SLC13A4: variants seen among roughly 807,000 people sequenced by gnomAD.
The protein encoded by SLC13A4 is solute carrier family 13 member 4.
SLC13A4 carries 28 observed loss-of-function variants against 72.7 expected under a neutral mutation model. The ratio of observed to expected loss-of-function variants is 0.39; its 90% CI spans 0.29 to 0.53. The LOEUF is 0.53. Among genes scored for constraint, SLC13A4 ranks in the 20% least tolerant of loss-of-function variants. The pLI is 0.78. For missense variants in SLC13A4, 653 were observed against 788.0 expected, an observed-to-expected ratio of 0.83 and a Z score of 2.05; for synonymous variants, 312 against 325.5, an observed-to-expected ratio of 0.96 and a Z score of 0.45.
At chr7:135,715,402 T>G (rs1309077656) in intron 2 of SLC13A4, among the ~76,000 whole-genome samples, 2 of 133,516 alleles carry the variant, frequency 1.5e-5, no homozygotes, top group African/African-American at 3.0e-5. Context: ...TGAACATGTG[T>G]GTATGAGTGT....
At chr7:135,690,701 CCT>C (rs1313730986) in intron 13 of SLC13A4, among the ~76,000 whole-genome samples, 2 of 149,058 alleles carry the variant, frequency 1.3e-5, no homozygotes, top group Non-Finnish European at 3.0e-5. Flanking sequence ...CCCATCTGTT[CCT>C]CTGTTCCTAG....
At chr7:135,715,047 TGA>T (rs1384923874) in intron 2 of SLC13A4, among the ~76,000 whole-genome samples, 56 of 138,300 alleles carry the variant, frequency 4.0e-4, no homozygotes, top group African/African-American at 1.5e-3. Context: ...TGTGAGGGTA[TGA>T]GTGTGTATGT....
intron 11 of SLC13A4, 180 bp from the exon 12 acceptor site, chr7:135,691,825 C>T (rs575804279): frequency 2.1e-4 from 117 of 547,450 alleles, no homozygotes; most frequent in Admixed American, 5.0e-4. Flanking sequence ...TGGGCAATGG[C>T]GAATGTCTGG....
rs773615165 is a variant in SLC13A4 at position 135,716,412 on chromosome 7, C to A, written c.228+4983G>T. Among the ~76,000 whole-genome samples the A allele has an allele frequency of 2.0e-5, 3 of 152,212 alleles. No individual in the cohort carries two copies. The East Asian group carries it at 5.8e-4, about 29-fold the overall frequency. ...CTCTGCCTCCTGGGTTCAAGAGATT[C>A]TCTTGCCTCATCCTCCTGAGTAGCT... is the stretch of plus-strand genomic sequence containing the variant. On this transcript the variant is annotated intron_variant, in intron 2 of 15. Coordinates refer to ENST00000682651, the MANE Select transcript of SLC13A4 (RefSeq NM_001318192.2).
At chr7:135,693,443 G>A (rs2129494131) in intron 10 of SLC13A4, 1 of 142,678 alleles carries the variant, frequency 7.0e-6, no homozygotes, top group Non-Finnish European at 1.5e-5. Flanking sequence ...GTTAACATGG[G>A]GTGCTAAGAA....
intron 9 of SLC13A4, among the ~76,000 whole-genome samples, chr7:135,694,528 A>G (rs557651405): frequency 1.2e-4 from 19 of 152,286 alleles, no homozygotes; most frequent in Admixed American, 1.0e-3. Flanking sequence ...GTGTGGGGTC[A>G]TTTCTACCTA....
At position 135,695,451 on chromosome 7, in the gene SLC13A4, G is replaced by A. The variant is rs1795879418; in HGVS notation, c.936C>T (p.Thr312=). 1 of 1,614,050 alleles carries A rather than the reference G, an allele frequency of 6.2e-7. No individual in the cohort carries two copies. The highest frequency in any genetic ancestry group is 1.7e-5 in the Admixed American group (1 of 60,000). The change falls in exon 9 of 16, where the codon ACC becomes ACT. Residue 312 remains threonine, a synonymous_variant. Transcript: ENST00000682651. ...YPAAEVVNFG[T]WFLFSFPISL... ...ATATGGGGAAGCTGAAGAGGAACCA[G>A]GTGCCAAAGTTCACCACCTCTGCGG...
chr7:135,692,403 T>A lies in SLC13A4; in HGVS notation c.1143A>T (p.Gly381=), dbSNP rs753786435. ...GTACGGTCATCAGGATGAAGAAAAATCCAGTCACCATTTCTGGGTAGCTAT... is the reference window on the plus strand; with the variant it reads ...GTACGGTCATCAGGATGAAGAAAAAACCAGTCACCATTTCTGGGTAGCTAT... ...GDISYPEMVT[G]FFFILMTVLW... The change falls in exon 11 of 16, where the codon GGA becomes GGT. Residue 381 remains glycine, a synonymous_variant. Coordinates refer to ENST00000682651, the MANE Select transcript of SLC13A4 (RefSeq NM_001318192.2). 3.1e-6 allele frequency: 5 copies of A among 1,612,994 alleles called. No homozygotes were observed. Among genetic ancestry groups the A allele is most frequent in the Non-Finnish European group, 4.2e-6 (5 of 1,179,628 alleles).
Position 135,691,596 on chromosome 7 carries a change from G to A in SLC13A4, c.1273C>T (p.Leu425Phe). ...ATVSVFLGFL[L>F]FLIPAKKPCF... ...GGCTTCTTCGCTGGAATGAGGAAGA[G>A]GAGGAAGCCAAGGAAGACAGAGACT... Residue 425 changes from leucine (L) to phenylalanine (F), a missense_variant, in exon 12 of 16, where the codon CTC becomes TTC. By Grantham distance (22) the Leu-to-Phe change is conservative. Coordinates refer to ENST00000682651, the MANE Select transcript of SLC13A4 (RefSeq NM_001318192.2). The A allele has an allele frequency of 6.2e-7, 1 of 1,614,000 alleles. No homozygotes were observed. Among genetic ancestry groups the A allele is most frequent in the Non-Finnish European group, 8.5e-7 (1 of 1,179,856 alleles).
intron 8 of SLC13A4, among the ~76,000 whole-genome samples, chr7:135,697,797 C>T (rs1185648883): frequency 6.6e-6 from 1 of 152,054 alleles, no homozygotes; most frequent in Non-Finnish European, 1.5e-5. Context: ...ATGTGCTCCG[C>T]TGTCCTGCCT....
At chr7:135,715,066 G>A (rs1200306455) in intron 2 of SLC13A4, among the ~76,000 whole-genome samples, 1 of 135,412 alleles carries the variant, frequency 7.4e-6, no homozygotes, top group Non-Finnish European at 1.6e-5. Flanking sequence ...ATGTGAATGT[G>A]TGTGTGTATG....
chr7:135,683,160 A>G (rs528684352), intron 15 of SLC13A4, among the ~76,000 whole-genome samples: 1 of 151,950 alleles, frequency 6.6e-6, no homozygotes, highest in African/African-American at 2.4e-5. Context: ...TTAGCTGGGC[A>G]TGGAGGCGCA....
intron 2 of SLC13A4, among the ~76,000 whole-genome samples, chr7:135,716,316 A>T (rs58474160): frequency 0.013 from 1,938 of 152,106 alleles, 29 homozygotes; most frequent in African/African-American, 0.044. Context: ...ATTAAAAAAA[A>T]TTTTTTTAGA....
rs1016933937 is a variant in SLC13A4, at chr7:135,695,222, C to G, written c.1019+146G>C. On this transcript the variant is annotated intron_variant, in intron 9 of 15. Transcript: ENST00000682651. ...TGTCTAGAAGAGACAGCACCTGACT[C>G]TCAGACCAGACCACTGCATTCTCCT... 4 of 1,052,086 alleles carry G rather than the reference C, an allele frequency of 3.8e-6. No homozygotes were observed. In the African/African-American group the frequency reaches 6.4e-5, roughly 17 times the overall value. 65.2% of individuals were successfully genotyped at this position (1,052,086 alleles called of 1,614,324 possible).
chr7:135,698,876 G>A (rs184692318), intron 8 of SLC13A4, among the ~76,000 whole-genome samples: 5 of 152,100 alleles, frequency 3.3e-5, no homozygotes, highest in East Asian at 3.9e-4. Flanking sequence ...CTCGTGATGC[G>A]CCTGCCTTGG....
chr7:135,721,568 G>A (rs1796550511), intron 1 of SLC13A4, 45 bp from the exon 2 acceptor site: 3 of 1,608,500 alleles, frequency 1.9e-6, no homozygotes, highest in African/African-American at 1.3e-5. Context: ...AATAGTCACT[G>A]CCACTGAGCG....
At chr7:135,692,189 C>G in intron 11 of SLC13A4, 134 bp downstream of exon 11, 1 of 723,494 alleles carries the variant, frequency 1.4e-6, no homozygotes. Context: ...CACACTGCAG[C>G]CTCCCTAAAA....
intron 1 of SLC13A4, among the ~76,000 whole-genome samples, chr7:135,726,203 A>G (rs1796653616): frequency 6.6e-6 from 1 of 152,152 alleles, no homozygotes; most frequent in African/African-American, 2.4e-5. Context: ...AGCCACAAAA[A>G]GAAAAAAAAT....
chr7:135,716,593 G>A (rs568578812), intron 2 of SLC13A4, among the ~76,000 whole-genome samples: 6 of 152,340 alleles, frequency 3.9e-5, no homozygotes, highest in African/African-American at 9.6e-5. Context: ...GATTACAGGC[G>A]TGAGCCACAG....
Sources: gnomAD v4.1 joint callset for allele counts (sites outside exome capture counted in the v4.1 genomes callset) on GRCh38, gnomAD v4.1.1 for gene constraint, MANE v1.5 for transcripts, NCBI Gene and HGNC (gene_info 2026-07-23, HGNC 2026-07-21) for gene names.